RBBP5: variants seen among roughly 807,000 people sequenced by gnomAD.
RBBP5 encodes the protein retinoblastoma-binding protein 5.
Under a neutral mutation model 72.2 loss-of-function variants are expected in RBBP5, and 5 were observed. The observed-to-expected ratio is 0.07, with a 90% CI of 0.04 to 0.15. The LOEUF (loss-of-function observed/expected upper bound fraction) is 0.15, where lower values mean the gene tolerates loss of function less well. RBBP5 is among the 10% of genes least tolerant of loss of function. The pLI is 1.00. For synonymous variants in RBBP5, 209 were observed against 237.2 expected (o/e 0.88, Z 1.09); for missense variants, 322 against 652.2 (o/e 0.49, Z 5.51).
At chr1:205,108,861 A>G (rs1656187447) in intron 3 of RBBP5, among the ~76,000 whole-genome samples, 1 of 152,194 alleles carries the variant, frequency 6.6e-6, no homozygotes, top group African/African-American at 2.4e-5. Context: ...CGACCTGCAG[A>G]AGGCTGTTGA....
chr1:205,093,966 A>T (rs1655516741), intron 13 of RBBP5, among the ~76,000 whole-genome samples: 2 of 152,298 alleles, frequency 1.3e-5, no homozygotes, highest in South Asian at 4.1e-4. Flanking sequence ...AAAAATTGAG[A>T]ATACTGTATT....
intron 13 of RBBP5, 30 bp downstream of exon 13, chr1:205,094,843 A>C: frequency 6.3e-7 from 1 of 1,588,080 alleles, no homozygotes; most frequent in Non-Finnish European, 8.6e-7. Context: ...CCACGAAGCA[A>C]GCCAGACAAT....
At chr1:205,105,814 A>G (rs1168445003) in intron 3 of RBBP5, among the ~76,000 whole-genome samples, 1 of 152,250 alleles carries the variant, frequency 6.6e-6, no homozygotes, top group African/African-American at 2.4e-5. Flanking sequence ...AAAAGCCCCA[A>G]GAAGAGCTAA....
chr1:205,106,332 C>A lies in RBBP5; in HGVS notation c.219-1164G>T, dbSNP rs549293742. 2.0e-5 allele frequency among the ~76,000 whole-genome samples: 3 copies of A among 152,336 alleles called. No homozygotes were observed. In the South Asian group the frequency reaches 6.2e-4, roughly 32 times the overall value. ...TCTATAGGACGGGCGCAATGGCTCA[C>A]ACCTGTAATCCCAGCACTTTGGGAG... On this transcript the variant is annotated intron_variant, in intron 3 of 13. Coordinates refer to ENST00000264515, the MANE Select transcript of RBBP5 (RefSeq NM_005057.4).
intron 3 of RBBP5, among the ~76,000 whole-genome samples, chr1:205,110,528 A>G (rs1331883206): frequency 1.3e-5 from 2 of 152,210 alleles, no homozygotes; most frequent in Non-Finnish European, 2.9e-5. Context: ...TAAAATAAGG[A>G]GACACAGAGA....
chr1:205,114,134 C>G (rs1656431864), intron 3 of RBBP5, among the ~76,000 whole-genome samples: 1 of 152,210 alleles, frequency 6.6e-6, no homozygotes, highest in African/African-American at 2.4e-5. Context: ...ACTGGCCAAA[C>G]TTTACTGTGA....
chr1:205,095,896 AAAGAG>A (rs1350890591), intron 12 of RBBP5, among the ~76,000 whole-genome samples: 2 of 152,184 alleles, frequency 1.3e-5, no homozygotes, highest in African/African-American at 4.8e-5. Context: ...CAGTTAGCTA[AAAGAG>A]AAGAGGAAGG....
chr1:205,109,741 C>T (rs142330468), intron 3 of RBBP5, among the ~76,000 whole-genome samples: 1 of 152,072 alleles, frequency 6.6e-6, no homozygotes, highest in Non-Finnish European at 1.5e-5. Flanking sequence ...AATTCCATAA[C>T]CTCAAGAATT....
intron 1 of RBBP5, among the ~76,000 whole-genome samples, chr1:205,117,130 C>G (rs1430530849): frequency 1.3e-5 from 2 of 152,018 alleles, no homozygotes; most frequent in Admixed American, 6.5e-5. Flanking sequence ...TGGCTCACTG[C>G]AACATCTGCT....
At position 205,103,916 on chromosome 1, in the gene RBBP5, C is replaced by G. The variant is rs1469945068; in HGVS notation, c.463G>C (p.Val155Leu). The G allele has an allele frequency of 1.2e-6, 2 of 1,614,124 alleles. No homozygotes were observed. Among genetic ancestry groups the G allele is most frequent in the Non-Finnish European group, 1.7e-6 (2 of 1,180,010 alleles). ...CCTCGCCTATCAAAAGATGCCACAA[C>G]GTTCAAATCGGAGTCATCGTCCACC... ...LPVDDDSDLN[V>L]VASFDRRGEY... is the part of the protein sequence containing the mutation. The change falls in exon 5 of 14, where the codon GTT (valine) becomes CTT (leucine). Residue 155 changes from valine to leucine, a missense_variant. Physicochemically the swap from Val to Leu is conservative, Grantham distance 32 (BLOSUM62 1). This residue lies in a region of RBBP5 where 161 missense variants were observed against 327.8 expected (regional missense o/e 0.49). Coordinates refer to ENST00000264515, the MANE Select transcript of RBBP5 (RefSeq NM_005057.4).
Position 205,114,786 on chromosome 1 carries a change from T to C in RBBP5, c.218+3A>G. On this transcript the variant is annotated splice_donor_region_variant and intron_variant, in intron 3 of 13. Coordinates refer to ENST00000264515, the MANE Select transcript of RBBP5 (RefSeq NM_005057.4). ...TTTAAATATTAATTAAAAAATGTCTTACCATAAAGAACACACTGGATGGAT... is the reference window on the plus strand; with the variant it reads ...TTTAAATATTAATTAAAAAATGTCTCACCATAAAGAACACACTGGATGGAT... 1 of 1,509,662 alleles carries C rather than the reference T, an allele frequency of 6.6e-7. No individual in the cohort carries two copies. Among genetic ancestry groups the C allele is most frequent in the Non-Finnish European group, 8.9e-7 (1 of 1,127,242 alleles). The allele number at this position is 1,509,662 out of a possible 1,614,324, so 93.5% of individuals were successfully genotyped here.
rs756117157 is a variant in RBBP5, at chr1:205,096,927, T to C, written c.1167-16A>G. 4.3e-5 allele frequency: 67 copies of C among 1,564,302 alleles called. No individual in the cohort carries two copies. The highest frequency in any genetic ancestry group is 3.6e-4 in the South Asian group (30 of 82,700). Reference sequence around the variant, plus strand: ...CTCTTCATCACTATTTGGAGCAGGATCAGACAAGGGATTGGAAAAAAGAGG... The same window carrying C: ...CTCTTCATCACTATTTGGAGCAGGACCAGACAAGGGATTGGAAAAAAGAGG... On this transcript the variant is annotated splice_polypyrimidine_tract_variant and intron_variant, in intron 11 of 13. Transcript: ENST00000264515.
At chr1:205,112,713 C>G (rs1656365133) in intron 3 of RBBP5, among the ~76,000 whole-genome samples, 1 of 152,124 alleles carries the variant, frequency 6.6e-6, no homozygotes, top group Non-Finnish European at 1.5e-5. Context: ...AGACAATATA[C>G]AGTCATTTAA....
chr1:205,089,749 T>C (rs1207242246), intron 13 of RBBP5, among the ~76,000 whole-genome samples: 1 of 152,232 alleles, frequency 6.6e-6, no homozygotes, highest in Non-Finnish European at 1.5e-5. Context: ...ATTTAAACTT[T>C]TCCATAGTTC....
At position 205,103,908 on chromosome 1, in the gene RBBP5, T is replaced by C. The variant is rs1655946394; in HGVS notation, c.471A>G (p.Ala157=). 1 of 1,614,174 alleles carries C rather than the reference T, an allele frequency of 6.2e-7. No individual in the cohort carries two copies. The highest frequency in any genetic ancestry group is 8.5e-7 in the Non-Finnish European group (1 of 1,180,008). The part of the protein sequence containing the change: ...VDDDSDLNVV[A]SFDRRGEYIY... The stretch of plus-strand genomic sequence containing the variant: ...TATATTCCCCTCGCCTATCAAAAGA[T>C]GCCACAACGTTCAAATCGGAGTCAT... Residue 157 remains alanine (A), a synonymous_variant, in exon 5 of 14, where the codon GCA becomes GCG. Transcript: ENST00000264515.
chr1:205,115,279 G>A lies in RBBP5; in HGVS notation c.46-318C>T, dbSNP rs547616551. 2.7e-4 allele frequency among the ~76,000 whole-genome samples: 41 copies of A among 152,232 alleles called. No individual in the cohort carries two copies. In the South Asian group the frequency reaches 7.9e-3, roughly 29 times the overall value. On this transcript the variant is annotated intron_variant, in intron 2 of 13. Transcript: ENST00000264515. ...AGTCATATCTATTGATGCAGTCATT[G>A]TAATTCTGGGAATTTATTCCAAGAA... is the stretch of plus-strand genomic sequence containing the variant.
At position 205,086,757 on chromosome 1, in the gene RBBP5, T is replaced by A. The variant is rs919548721; in HGVS notation, c.*2030A>T. 6.6e-6 allele frequency: 1 copy of A among 152,110 alleles called. No homozygotes were observed. Among genetic ancestry groups the A allele is most frequent in the East Asian group, 1.9e-4 (1 of 5,188 alleles). 9.4% of individuals were successfully genotyped at this position (152,110 alleles called of 1,614,324 possible). On this transcript the variant is annotated 3_prime_UTR_variant, in exon 14 of 14. Transcript: ENST00000264515. Reference sequence around the variant, plus strand: ...GAAGATGATTTTCTCAGTAGCCAGTTTAGGAGGTGGACATAGCACAAACAT... The same window carrying A: ...GAAGATGATTTTCTCAGTAGCCAGTATAGGAGGTGGACATAGCACAAACAT...
chr1:205,101,894 C>A (rs754610047), intron 5 of RBBP5, among the ~76,000 whole-genome samples, 185 bp from the exon 6 acceptor site: 4 of 119,744 alleles, frequency 3.3e-5, no homozygotes. Flanking sequence ...TTAATCTAGT[C>A]TTTTTTTTTT....
chr1:205,110,220 A>G (rs1338400752), intron 3 of RBBP5, among the ~76,000 whole-genome samples: 5 of 151,942 alleles, frequency 3.3e-5, no homozygotes. Context: ...GAGTTTCACC[A>G]TGTTGTCCAG....
Sources: allele counts gnomAD v4.1 joint callset (sites outside exome capture counted in the v4.1 genomes callset), GRCh38; gene constraint gnomAD v4.1.1; regional missense constraint gnomAD v4.1.1; transcripts MANE v1.5; gene names NCBI Gene and HGNC (gene_info 2026-07-23, HGNC 2026-07-21).